Variants in SOX6 observed in about 807,000 individuals in gnomAD.
SOX6 encodes the protein transcription factor SOX-6.
SOX6 carries 11 observed loss-of-function variants against 97.8 expected under a neutral mutation model. That is an observed-to-expected ratio of 0.11 (90% CI 0.07 to 0.19). SOX6 has a LOEUF of 0.19. Among genes scored for constraint, SOX6 ranks in the 10% least tolerant of loss-of-function variants. The pLI, the probability that SOX6 is intolerant of heterozygous loss-of-function variation, is 1.00. For missense variants in SOX6, 810 were observed against 1,039.5 expected (o/e 0.78, Z 3.04); for synonymous variants, 360 against 371.4 (o/e 0.97, Z 0.35).
At chr11:15,982,578 T>C (rs1466260673) in intron 15 of SOX6, among the ~76,000 whole-genome samples, 1 of 152,042 alleles carries the variant, frequency 6.6e-6, no homozygotes, top group African/African-American at 2.4e-5. Flanking sequence ...ACATCCCCTA[T>C]ATACTTTAAA....
chr11:16,041,693 TA>T (rs1855671405), intron 12 of SOX6, among the ~76,000 whole-genome samples: 3 of 152,146 alleles, frequency 2.0e-5, no homozygotes. Context: ...ATATATTAAA[TA>T]AGTAGGAACA....
At chr11:16,466,635 AAAC>A (rs1001291734) in intron 1 of SOX6, among the ~76,000 whole-genome samples, 4 of 151,696 alleles carry the variant, frequency 2.6e-5, no homozygotes, top group African/African-American at 9.7e-5. Flanking sequence ...AGAAAAAAAA[AAAC>A]AAACAACTCC....
intron 4 of SOX6, among the ~76,000 whole-genome samples, chr11:16,193,467 C>G (rs766901582): frequency 3.3e-4 from 50 of 152,134 alleles, no homozygotes; most frequent in Non-Finnish European, 2.1e-4. Flanking sequence ...AGAAACATGT[C>G]CCAGGGAATT....
At chr11:16,100,807 C>T (rs1330626406) in intron 7 of SOX6, among the ~76,000 whole-genome samples, 1 of 150,128 alleles carries the variant, frequency 6.7e-6, no homozygotes, top group African/African-American at 2.4e-5. Context: ...AATTTACTTT[C>T]ATTCTTCAGA....
chr11:16,406,263 C>G (rs946505342), intron 1 of SOX6, among the ~76,000 whole-genome samples: 2 of 152,034 alleles, frequency 1.3e-5, no homozygotes, highest in African/African-American at 2.4e-5. Context: ...GTCCTGTGGA[C>G]TTGTTTGAAA....
At chr11:16,062,777 C>G (rs1322131650) in intron 9 of SOX6, among the ~76,000 whole-genome samples, 3 of 151,658 alleles carry the variant, frequency 2.0e-5, no homozygotes, top group South Asian at 2.1e-4. Flanking sequence ...AAATGTTCCA[C>G]CTTTAATACT....
intron 4 of SOX6, among the ~76,000 whole-genome samples, chr11:16,198,220 AT>A (rs376595511): frequency 1.0e-5 from 1 of 99,996 alleles, no homozygotes; most frequent in Admixed American, 9.6e-5. Flanking sequence ...CGCCCTGCTA[AT>A]TTTTTTTTCT....
At chr11:16,212,756 T>C (rs1041909643) in intron 4 of SOX6, among the ~76,000 whole-genome samples, 1 of 152,196 alleles carries the variant, frequency 6.6e-6, no homozygotes, top group East Asian at 1.9e-4. Context: ...TCCAATCCGA[T>C]GGATGCAAAA....
At chr11:16,270,654 A>AACACAC (rs57034455) in intron 3 of SOX6, among the ~76,000 whole-genome samples, 175 of 149,044 alleles carry the variant, frequency 1.2e-3, no homozygotes, top group African/African-American at 1.2e-3. Flanking sequence ...CACACACACA[A>AACACAC]ACACACACAC....
Position 16,135,152 on chromosome 11 carries a change from C to T in SOX6, c.778-23229G>A, listed in dbSNP as rs1376467905. Reference sequence around the variant, plus strand: ...TATTTAAGCCTACTGTTGAGACCTACTGCTCAGAAAAAAAAAGATTCCTTT... The same window carrying T: ...TATTTAAGCCTACTGTTGAGACCTATTGCTCAGAAAAAAAAAGATTCCTTT... On this transcript the variant is annotated intron_variant, in intron 6 of 15. Transcript: ENST00000683767. Among the ~76,000 whole-genome samples, 3 of 152,098 alleles carry T rather than the reference C, an allele frequency of 2.0e-5. No homozygotes were observed. The East Asian group carries it at 5.8e-4, about 29-fold the overall frequency.
chr11:15,995,692 G>C (rs1330735298), intron 13 of SOX6, among the ~76,000 whole-genome samples: 1 of 152,038 alleles, frequency 6.6e-6, no homozygotes, highest in Non-Finnish European at 1.5e-5. Flanking sequence ...CTAGAAACTA[G>C]TTAAACTTCT....
chr11:16,217,669 T>G (rs1328707637), intron 4 of SOX6, among the ~76,000 whole-genome samples: 1 of 152,104 alleles, frequency 6.6e-6, no homozygotes, highest in African/African-American at 2.4e-5. Flanking sequence ...TTTCTAATAA[T>G]CTCTACTTCT....
intron 1 of SOX6, among the ~76,000 whole-genome samples, chr11:16,427,994 G>A (rs534582821): frequency 9.4e-4 from 143 of 152,246 alleles, no homozygotes; most frequent in Non-Finnish European, 1.4e-3. Context: ...AGCACCTGTT[G>A]TTTCCTGACT....
chr11:16,476,069 T>C (rs1860241962), intron 1 of SOX6, among the ~76,000 whole-genome samples: 1 of 152,200 alleles, frequency 6.6e-6, no homozygotes, highest in Non-Finnish European at 1.5e-5. Context: ...AGTTATTCTT[T>C]AAACTTATTA....
intron 3 of SOX6, among the ~76,000 whole-genome samples, chr11:16,698,442 C>A (rs553875879): frequency 6.6e-6 from 1 of 152,274 alleles, no homozygotes; most frequent in East Asian, 1.9e-4. Context: ...TTGGTCTGAT[C>A]TTCCATCTGG....
At chr11:16,247,309 A>C (rs151080367) in intron 3 of SOX6, among the ~76,000 whole-genome samples, 6 of 152,282 alleles carry the variant, frequency 3.9e-5, no homozygotes, top group Non-Finnish European at 5.9e-5. Context: ...ATATCCATTC[A>C]TCTGTTGATA....
chr11:16,388,932 A>G (rs1858078549), intron 1 of SOX6, among the ~76,000 whole-genome samples: 1 of 152,038 alleles, frequency 6.6e-6, no homozygotes, highest in African/African-American at 2.4e-5. Flanking sequence ...AATTGATGGC[A>G]TTATTTCTTC....
At chr11:16,075,926 G>C (rs1848342009) in intron 9 of SOX6, among the ~76,000 whole-genome samples, 1 of 151,854 alleles carries the variant, frequency 6.6e-6, no homozygotes, top group Non-Finnish European at 1.5e-5. Context: ...TGTGAGAACA[G>C]CACAGGAAGA....
At chr11:16,136,391 AC>A (rs1420287548) in intron 6 of SOX6, among the ~76,000 whole-genome samples, 2 of 147,522 alleles carry the variant, frequency 1.4e-5, no homozygotes, top group Non-Finnish European at 3.0e-5. Flanking sequence ...CACTTAATAG[AC>A]CACAGTATAG....
Sources: allele counts gnomAD v4.1 joint callset (sites outside exome capture counted in the v4.1 genomes callset), GRCh38; gene constraint gnomAD v4.1.1; transcripts MANE v1.5; gene names NCBI Gene and HGNC (gene_info 2026-07-23, HGNC 2026-07-21).